The following BAZ2B variants were observed in gnomAD, a reference collection of about 807,000 sequenced individuals.
BAZ2B encodes the protein bromodomain adjacent to zinc finger domain protein 2B.
In BAZ2B, 91 loss-of-function variants were observed where a neutral mutation model predicts 246.0. The ratio of observed to expected loss-of-function variants is 0.37; its 90% CI spans 0.31 to 0.44. BAZ2B has a LOEUF of 0.44. Among genes scored for constraint, BAZ2B ranks in the 20% least tolerant of loss-of-function variants. The probability of loss-of-function intolerance (pLI) is 1.00; values close to 1 mark genes in which losing one functional copy is unlikely to be tolerated. For synonymous variants in BAZ2B, 855 were observed against 860.0 expected (o/e 0.99, Z 0.10); for missense variants, 2,332 against 2,533.7 (o/e 0.92, Z 1.71).
intron 31 of BAZ2B, 86 bp downstream of exon 31, chr2:159,347,400 C>A: frequency 7.3e-7 from 1 of 1,372,980 alleles, no homozygotes; most frequent in Admixed American, 1.8e-5. Context: ...ACATTTAGCA[C>A]ATTAACTAGC....
the BAZ2B span, chr2:159,711,965 T>G: frequency 6.6e-6 from 1 of 151,762 alleles, no homozygotes; most frequent in Non-Finnish European, 1.5e-5. Flanking sequence ...CTCCAACTCT[T>G]AAGGGAAAGG....
intron 1 of BAZ2B, among the ~76,000 whole-genome samples, chr2:159,578,416 A>G (rs1685879410): frequency 6.7e-6 from 1 of 149,704 alleles, no homozygotes. Flanking sequence ...TGCAGAACAG[A>G]AAATACTTCT....
At chr2:159,320,709 T>C (rs1031867441) in intron 36 of BAZ2B, among the ~76,000 whole-genome samples, 12 of 152,200 alleles carry the variant, frequency 7.9e-5, no homozygotes, top group African/African-American at 2.9e-4. Flanking sequence ...TTGACCTGTA[T>C]CACACAATTC....
intron 2 of BAZ2B, among the ~76,000 whole-genome samples, chr2:159,553,073 C>T (rs556682415): frequency 1.3e-5 from 2 of 152,166 alleles, no homozygotes; most frequent in Admixed American, 6.5e-5. Context: ...GTAGAGTGTA[C>T]AGTTCTTATT....
At chr2:159,430,521 G>C (rs527436312) in intron 10 of BAZ2B, among the ~76,000 whole-genome samples, 1 of 152,192 alleles carries the variant, frequency 6.6e-6, no homozygotes, top group Non-Finnish European at 1.5e-5. Flanking sequence ...TGTGGGGCCA[G>C]TGCCCCTAAA....
intron 1 of BAZ2B, among the ~76,000 whole-genome samples, chr2:159,597,782 A>G (rs1321617701): frequency 6.6e-6 from 1 of 151,870 alleles, no homozygotes; most frequent in African/African-American, 2.4e-5. Context: ...GTGTATGTTT[A>G]TTGTTACTTT....
At chr2:159,328,452 G>T (rs2064112568) in intron 34 of BAZ2B, among the ~76,000 whole-genome samples, 1 of 152,200 alleles carries the variant, frequency 6.6e-6, no homozygotes, top group African/African-American at 2.4e-5. Context: ...TTCATATAAT[G>T]CTTGTAAAAA....
chr2:159,695,645 C>T, the BAZ2B span, among the ~76,000 whole-genome samples: 2 of 152,086 alleles, frequency 1.3e-5, no homozygotes, highest in Non-Finnish European at 2.9e-5. Context: ...TTTTTCTTCC[C>T]CCATTGAATT....
At chr2:159,598,456 T>A (rs1480137454) in intron 1 of BAZ2B, among the ~76,000 whole-genome samples, 1 of 152,240 alleles carries the variant, frequency 6.6e-6, no homozygotes, top group Non-Finnish European at 1.5e-5. Flanking sequence ...TACAAATATT[T>A]CAGAAAACTT....
intron 25 of BAZ2B, among the ~76,000 whole-genome samples, chr2:159,379,411 G>A (rs1475863324): frequency 1.3e-5 from 2 of 152,040 alleles, no homozygotes; most frequent in Non-Finnish European, 2.9e-5. Flanking sequence ...CTAGAAAGCT[G>A]TTGTACAACC....
chr2:159,397,998 G>T (rs1277823968), intron 18 of BAZ2B, among the ~76,000 whole-genome samples: 1 of 152,144 alleles, frequency 6.6e-6, no homozygotes, highest in East Asian at 1.9e-4. Flanking sequence ...GAATGTCACT[G>T]ATCTCAGTAT....
Position 159,373,163 on chromosome 2 carries a change from G to C in BAZ2B, c.4095C>G (p.Leu1365=), listed in dbSNP as rs184752202. ...AACGCAATGAGTGAGACGCATCAAA[G>C]AGCTTCCTTCTGTACTGACTCTGTT... ...SKQQSQYRRK[L]FDASHSLRSV... Residue 1365 remains leucine, a synonymous_variant, in exon 27 of 37, where the codon CTC becomes CTG. Coordinates refer to ENST00000392783, the MANE Select transcript of BAZ2B (RefSeq NM_013450.4). 6.2e-7 allele frequency: 1 copy of C among 1,613,882 alleles called. No individual in the cohort carries two copies.
In BAZ2B at chr2:159,440,518, T is replaced by TTC. The variant is rs2073186278; in HGVS notation, c.697-1307_697-1306insGA. Among the ~76,000 whole-genome samples, 4 of 93,278 alleles carry TTC rather than the reference T, an allele frequency of 4.3e-5. 1 individual carries two copies. Among genetic ancestry groups the TTC allele is most frequent in the African/African-American group, 1.5e-4 (4 of 26,836 alleles). The allele number at this position is 93,278 out of a possible 152,430, so 61.2% of individuals were successfully genotyped here. A position where few individuals can be genotyped will look rare whatever the true frequency, so the allele number is the denominator to read the frequency against. On this transcript the variant is annotated intron_variant, in intron 6 of 36. Transcript: ENST00000392783. ...TATATTCCGTTTGCAATGACTCTTG[T>TTC]TTTTTTTTTTTTTTTTCGGGGACAG...
chr2:159,598,673 C>T (rs964610516), intron 1 of BAZ2B, among the ~76,000 whole-genome samples: 2 of 152,066 alleles, frequency 1.3e-5, no homozygotes, highest in African/African-American at 4.8e-5. Flanking sequence ...ACAGACCAGC[C>T]TGGCCAACAT....
intron 4 of BAZ2B, among the ~76,000 whole-genome samples, chr2:159,452,492 C>G (rs1020455621): frequency 6.6e-6 from 1 of 152,176 alleles, no homozygotes; most frequent in Non-Finnish European, 1.5e-5. Flanking sequence ...CAAGGTCACA[C>G]AGCTATGAAC....
intron 2 of BAZ2B, among the ~76,000 whole-genome samples, chr2:159,547,096 T>C (rs1559743291): frequency 6.6e-6 from 1 of 152,194 alleles, no homozygotes. Context: ...GTAAATTTTA[T>C]GAACAAAAGT....
intron 3 of BAZ2B, among the ~76,000 whole-genome samples, chr2:159,455,654 G>C (rs2075641837): frequency 6.6e-6 from 1 of 151,514 alleles, no homozygotes; most frequent in African/African-American, 2.4e-5. Context: ...AGAGTGGACT[G>C]CATTAGCACT....
chr2:159,454,233 C>T lies in BAZ2B; in HGVS notation c.146-432G>A, dbSNP rs560421244. Among the ~76,000 whole-genome samples, 12 of 152,224 alleles carry T rather than the reference C, an allele frequency of 7.9e-5. No homozygotes were observed. In the East Asian group the frequency reaches 2.3e-3, roughly 29 times the overall value. ...TCCAGGATCTGTCACCAGGTCAATA[C>T]TCAAATTATTATACACTCTAAGCAA... On this transcript the variant is annotated intron_variant, in intron 3 of 36. Transcript: ENST00000392783.
chr2:159,315,539 G>C (rs1318675583), downstream of BAZ2B, among the ~76,000 whole-genome samples: 10 of 152,188 alleles, frequency 6.6e-5, 1 homozygote, highest in Admixed American at 6.5e-4. Context: ...CTGCTCCATA[G>C]GGCTGGGCTG....
Sources: allele counts gnomAD v4.1 joint callset (sites outside exome capture counted in the v4.1 genomes callset), GRCh38; gene constraint gnomAD v4.1.1; transcripts MANE v1.5; gene names NCBI Gene and HGNC (gene_info 2026-07-23, HGNC 2026-07-21).